FAAH2: variants seen among roughly 807,000 people sequenced by gnomAD.
FAAH2 encodes the protein fatty-acid amide hydrolase 2.
A neutral mutation model predicts 36.9 loss-of-function variants in FAAH2; 60 were observed. That is an observed-to-expected ratio of 1.63 (90% CI 1.32 to 2.02). The LOEUF is 2.02. Ranked by LOEUF, FAAH2 falls within the 30% of genes most tolerant of loss-of-function variation. The probability of loss-of-function intolerance (pLI) is 0.00; values close to 1 mark genes in which losing one functional copy is unlikely to be tolerated. For synonymous variants in FAAH2, 214 were observed against 143.8 expected (o/e 1.49, Z -3.49); for missense variants, 689 against 397.5 (o/e 1.73, Z -6.23).
chrX:57,368,090 T>A (rs2147166278), intron 5 of FAAH2, among the ~76,000 whole-genome samples: 1 of 110,950 alleles, frequency 9.0e-6, no homozygotes, highest in South Asian at 3.9e-4. Context: ...GTCACTCCCC[T>A]TTGGAACAAG....
intron 8 of FAAH2, among the ~76,000 whole-genome samples, chrX:57,433,217 GCTGA>G (rs1358636195): frequency 9.0e-6 from 1 of 111,211 alleles, no homozygotes; most frequent in African/African-American, 3.3e-5. Context: ...TAACATACAT[GCTGA>G]CTGTCAAAAC....
chrX:57,428,728 C>CA (rs891507668), intron 7 of FAAH2, among the ~76,000 whole-genome samples: 2 of 111,677 alleles, frequency 1.8e-5, no homozygotes, highest in African/African-American at 6.5e-5. Flanking sequence ...TCACCATATG[C>CA]AAAAATTATC....
chrX:57,128,029 A>G, the FAAH2 span, among the ~76,000 whole-genome samples: 1 of 112,018 alleles, frequency 8.9e-6, no homozygotes, highest in Non-Finnish European at 1.9e-5. Flanking sequence ...TCTGGTATTG[A>G]TAGACATTCA....
the FAAH2 span, among the ~76,000 whole-genome samples, chrX:57,254,473 T>C: frequency 8.9e-6 from 1 of 112,062 alleles, no homozygotes; most frequent in Non-Finnish European, 1.9e-5. Flanking sequence ...GAATATACAT[T>C]CTTCTCAGCA....
chrX:57,164,144 G>T, the FAAH2 span, among the ~76,000 whole-genome samples: 2 of 111,927 alleles, frequency 1.8e-5, no homozygotes, highest in African/African-American at 6.5e-5. Context: ...AAGGCACAAG[G>T]TTGGATCAGT....
At chrX:57,261,089 T>C in the FAAH2 span, among the ~76,000 whole-genome samples, 1 of 111,942 alleles carries the variant, frequency 8.9e-6, no homozygotes, top group East Asian at 2.8e-4. Context: ...TTGTATTAAA[T>C]AATTATAAAA....
chrX:57,144,483 T>C, the FAAH2 span, among the ~76,000 whole-genome samples: 1 of 109,796 alleles, frequency 9.1e-6, no homozygotes, highest in South Asian at 3.9e-4. Flanking sequence ...ATTTTCTGGA[T>C]CTCGTAAGCA....
chrX:57,297,483 C>T (rs1225063600), intron 2 of FAAH2, among the ~76,000 whole-genome samples: 1 of 103,824 alleles, frequency 9.6e-6, no homozygotes, highest in Non-Finnish European at 2.0e-5. Flanking sequence ...CAACCGATAC[C>T]AGCCACTGCA....
At chrX:57,304,119 A>G (rs2052453885) in intron 2 of FAAH2, among the ~76,000 whole-genome samples, 1 of 111,792 alleles carries the variant, frequency 8.9e-6, no homozygotes, top group African/African-American at 3.3e-5. Flanking sequence ...AGGCAGGAGA[A>G]TTGCTTGAGC....
intron 1 of FAAH2, among the ~76,000 whole-genome samples, chrX:57,288,691 A>G (rs1177311082): frequency 1.8e-5 from 2 of 110,996 alleles, no homozygotes; most frequent in African/African-American, 6.6e-5. Context: ...GATGTCCTTT[A>G]AGAAAAATGG....
At chrX:57,296,395 A>G (rs1351594319) in intron 2 of FAAH2, among the ~76,000 whole-genome samples, 1 of 111,984 alleles carries the variant, frequency 8.9e-6, no homozygotes, top group Non-Finnish European at 1.9e-5. Flanking sequence ...GAGGGTCCTG[A>G]CTGTTACAAG....
the FAAH2 span, chrX:57,136,985 A>G: frequency 3.4e-6 from 3 of 891,530 alleles, no homozygotes; most frequent in African/African-American, 2.1e-5. Context: ...TGCTGTCTGT[A>G]ACCCCCACTG....
chrX:57,456,135 T>A (rs1466572374), intron 10 of FAAH2, among the ~76,000 whole-genome samples: 1 of 111,631 alleles, frequency 9.0e-6, no homozygotes. Flanking sequence ...AAAGCAGAAA[T>A]CAATACCAAG....
the FAAH2 span, among the ~76,000 whole-genome samples, chrX:57,145,215 A>G: frequency 2.4e-4 from 25 of 103,560 alleles, no homozygotes; most frequent in African/African-American, 9.8e-4. Flanking sequence ...CCATACCAGC[A>G]TCTATTAGTT....
At chrX:57,174,948 G>C in the FAAH2 span, among the ~76,000 whole-genome samples, 2 of 111,390 alleles carry the variant, frequency 1.8e-5, no homozygotes, top group Non-Finnish European at 3.8e-5. Flanking sequence ...GAAGATGCTC[G>C]GTATGATTTT....
At chrX:57,274,630 C>CA in the FAAH2 span, among the ~76,000 whole-genome samples, 1 of 111,618 alleles carries the variant, frequency 9.0e-6, no homozygotes, top group Non-Finnish European at 1.9e-5. Context: ...CAATCCATCA[C>CA]AAAAACAGAA....
the FAAH2 span, among the ~76,000 whole-genome samples, chrX:57,227,916 G>A: frequency 9.0e-6 from 1 of 111,284 alleles, no homozygotes; most frequent in Non-Finnish European, 1.9e-5. Flanking sequence ...AGGTTGTCAG[G>A]GAAGTGGGGT....
chrX:57,232,106 G>A, the FAAH2 span, among the ~76,000 whole-genome samples: 1 of 111,851 alleles, frequency 8.9e-6, no homozygotes, highest in African/African-American at 3.2e-5. Context: ...ACTGATATCT[G>A]TATAGATGGA....
At chrX:57,300,378 T>G (rs983555773) in intron 2 of FAAH2, among the ~76,000 whole-genome samples, 1 of 112,083 alleles carries the variant, frequency 8.9e-6, no homozygotes, top group Non-Finnish European at 1.9e-5. Context: ...ATTTAATAAA[T>G]GGTTCTGTGA....
Sources: allele counts gnomAD v4.1 joint callset (sites outside exome capture counted in the v4.1 genomes callset), GRCh38; gene constraint gnomAD v4.1.1; transcripts MANE v1.5; gene names NCBI Gene and HGNC (gene_info 2026-07-23, HGNC 2026-07-21).